ZCWPW2: variants seen among roughly 807,000 people sequenced by gnomAD.
ZCWPW2 encodes the protein zinc finger CW-type and PWWP domain containing 2, also known as zinc finger CW-type PWWP domain protein 2.
Under a neutral mutation model 46.6 loss-of-function variants are expected in ZCWPW2, and 45 were observed. The ratio of observed to expected loss-of-function variants is 0.96; its 90% CI spans 0.76 to 1.24. ZCWPW2 has a LOEUF of 1.24. Among genes scored for constraint, ZCWPW2 ranks in the 50% most tolerant of loss-of-function variants. ZCWPW2 has a pLI of 0.00. For missense variants in ZCWPW2, 429 were observed against 403.9 expected, an observed-to-expected ratio of 1.06 and a Z score of -0.53; for synonymous variants, 152 against 137.1, an observed-to-expected ratio of 1.11 and a Z score of -0.76.
intron 1 of ZCWPW2, among the ~76,000 whole-genome samples, chr3:28,353,487 G>C (rs1196566831): frequency 6.6e-6 from 1 of 152,132 alleles, no homozygotes; most frequent in African/African-American, 2.4e-5. Flanking sequence ...GCTTGTTCAT[G>C]TAATTTTCAA....
At chr3:28,379,671 A>ACTC (rs1705610562) in intron 1 of ZCWPW2, among the ~76,000 whole-genome samples, 1 of 152,186 alleles carries the variant, frequency 6.6e-6, no homozygotes, top group African/African-American at 2.4e-5. Flanking sequence ...AAATTAAGGA[A>ACTC]CTTAGGACAT....
intron 2 of ZCWPW2, among the ~76,000 whole-genome samples, chr3:28,406,148 G>T (rs1042105387): frequency 6.6e-6 from 1 of 152,180 alleles, no homozygotes; most frequent in Non-Finnish European, 1.5e-5. Flanking sequence ...TATAAGAGGA[G>T]AAAAGTGATT....
chr3:28,522,354 A>G (rs114256301), intron 9 of ZCWPW2, among the ~76,000 whole-genome samples: 2,850 of 152,278 alleles, frequency 0.019, 47 homozygotes, highest in Non-Finnish European at 0.031. Flanking sequence ...TGGCAATGGC[A>G]GTTGCTAGAG....
chr3:28,391,894 A>C (rs1019309178), intron 2 of ZCWPW2, among the ~76,000 whole-genome samples: 5 of 152,140 alleles, frequency 3.3e-5, no homozygotes, highest in Non-Finnish European at 7.4e-5. Flanking sequence ...GACAGGAAGA[A>C]AGGAGCAAAG....
intron 4 of ZCWPW2, among the ~76,000 whole-genome samples, chr3:28,474,591 G>GTGTGTC (rs1559519792): frequency 8.1e-6 from 1 of 123,532 alleles, no homozygotes; most frequent in Non-Finnish European, 1.8e-5. Flanking sequence ...TACAGCGTGT[G>GTGTGTC]TGTGTGTGTG....
At chr3:28,391,399 A>AC (rs1695485151) in intron 2 of ZCWPW2, among the ~76,000 whole-genome samples, 2 of 149,624 alleles carry the variant, frequency 1.3e-5, no homozygotes, top group African/African-American at 4.9e-5. Context: ...ACACACACAC[A>AC]AAGCCAATGA....
At chr3:28,489,660 A>ACG (rs1352515653) in intron 5 of ZCWPW2, among the ~76,000 whole-genome samples, 1 of 63,328 alleles carries the variant, frequency 1.6e-5, no homozygotes, top group African/African-American at 5.5e-5. Flanking sequence ...TTTCACACAC[A>ACG]CACGCGCGCA....
At chr3:28,487,798 G>T (rs867926081) in intron 5 of ZCWPW2, among the ~76,000 whole-genome samples, 1 of 152,178 alleles carries the variant, frequency 6.6e-6, no homozygotes, top group Non-Finnish European at 1.5e-5. Context: ...TCAGTCCTAG[G>T]CTGTAAACTT....
chr3:28,399,109 G>A (rs1024591020), intron 2 of ZCWPW2, among the ~76,000 whole-genome samples: 2 of 152,182 alleles, frequency 1.3e-5, no homozygotes, highest in African/African-American at 4.8e-5. Flanking sequence ...CATGGTGGGG[G>A]TGACACTGGC....
intron 4 of ZCWPW2, among the ~76,000 whole-genome samples, chr3:28,454,443 A>AG (rs1698349129): frequency 6.6e-6 from 1 of 152,134 alleles, no homozygotes; most frequent in East Asian, 1.9e-4. Flanking sequence ...CCCTTTCATG[A>AG]GTACGCATTA....
At chr3:28,374,080 A>G (rs554326615) in intron 1 of ZCWPW2, among the ~76,000 whole-genome samples, 19 of 152,128 alleles carry the variant, frequency 1.2e-4, no homozygotes, top group Non-Finnish European at 1.9e-4. Flanking sequence ...CAATGTCCTC[A>G]AGCATTTCCC....
chr3:28,429,142 A>G (rs1697141097), intron 3 of ZCWPW2, among the ~76,000 whole-genome samples: 1 of 152,190 alleles, frequency 6.6e-6, no homozygotes, highest in African/African-American at 2.4e-5. Flanking sequence ...GGAACTTCCT[A>G]GAGACTTGTT....
chr3:28,524,448 C>T, intron 9 of ZCWPW2, 79 bp from the exon 10 acceptor site: 6 of 1,470,422 alleles, frequency 4.1e-6, no homozygotes, highest in East Asian at 2.3e-5. Flanking sequence ...ATGTGGCTTG[C>T]AGAATTACTA....
chr3:28,431,149 A>C (rs766016304), intron 3 of ZCWPW2, among the ~76,000 whole-genome samples: 17 of 152,310 alleles, frequency 1.1e-4, no homozygotes, highest in Admixed American at 3.3e-4. Context: ...CATGATATGT[A>C]TACTTTCTTT....
chr3:28,357,256 G>A (rs1222841468), intron 1 of ZCWPW2, among the ~76,000 whole-genome samples: 2 of 152,088 alleles, frequency 1.3e-5, no homozygotes, highest in African/African-American at 2.4e-5. Context: ...ATCTATAGAA[G>A]GAAGTTAAGC....
chr3:28,406,500 C>T (rs1696166573), intron 2 of ZCWPW2, among the ~76,000 whole-genome samples: 1 of 152,166 alleles, frequency 6.6e-6, no homozygotes, highest in East Asian at 1.9e-4. Flanking sequence ...GAGGCAATGA[C>T]AACTACATCA....
At chr3:28,475,569 A>G (rs1011277061) in intron 4 of ZCWPW2, among the ~76,000 whole-genome samples, 1 of 152,158 alleles carries the variant, frequency 6.6e-6, no homozygotes, top group Non-Finnish European at 1.5e-5. Flanking sequence ...AAGACCCTAC[A>G]ATGGCTTGCA....
At chr3:28,493,536 A>C in intron 6 of ZCWPW2, among the ~76,000 whole-genome samples, 1 of 118,790 alleles carries the variant, frequency 8.4e-6, no homozygotes, top group Non-Finnish European at 1.9e-5. Flanking sequence ...CATTTTCTTA[A>C]TCCAGCCTAT....
rs1277408186 is a variant in ZCWPW2 at position 28,514,079 on chromosome 3, A to G, written c.673A>G (p.Asn225Asp). 1 of 1,511,102 alleles carries G rather than the reference A, an allele frequency of 6.6e-7. No homozygotes were observed. Among genetic ancestry groups the G allele is most frequent in the East Asian group, 2.3e-5 (1 of 42,808 alleles). The allele number at this position is 1,511,102 out of a possible 1,614,324, so 93.6% of individuals were successfully genotyped here. A position where few individuals can be genotyped will look rare whatever the true frequency, so the allele number is the denominator to read the frequency against. ...TGTGTTATAGAAGCAGACTTCTAAA[A>G]ATAATATTGAAAAGAAGAAGCCCAA... ...LVKKRKQTSK[N>D]NIEKKKPKFR... Residue 225 changes from asparagine (N) to aspartate (D), a missense_variant, in exon 7 of 10, where the codon AAT (asparagine) becomes GAT (aspartate). Transcript: ENST00000383768.
Sources: gnomAD v4.1 joint callset for allele counts (sites outside exome capture counted in the v4.1 genomes callset) on GRCh38, gnomAD v4.1.1 for gene constraint, MANE v1.5 for transcripts, NCBI Gene and HGNC (gene_info 2026-07-23, HGNC 2026-07-21) for gene names.